BPI: variants seen among roughly 807,000 people sequenced by gnomAD.
BPI encodes bactericidal permeability-increasing protein.
Under a neutral mutation model 57.6 loss-of-function variants are expected in BPI, and 48 were observed. The ratio of observed to expected loss-of-function variants is 0.83; its 90% CI spans 0.66 to 1.06. BPI has a LOEUF of 1.06. Among genes scored for constraint, BPI ranks in the 50% least tolerant of loss-of-function variants. The pLI, the probability that BPI is intolerant of heterozygous loss-of-function variation, is 0.00. For missense variants in BPI, 651 were observed against 609.7 expected (o/e 1.07, Z -0.71); for synonymous variants, 237 against 238.2 (o/e 0.99, Z 0.05).
chr20:38,319,016 C>G (rs1367804981), intron 6 of BPI, among the ~76,000 whole-genome samples: 2 of 152,174 alleles, frequency 1.3e-5, no homozygotes, highest in Non-Finnish European at 2.9e-5. Context: ...AGGCGGACCA[C>G]CTGAGGTCAG....
At chr20:38,335,039 C>T (rs555481297) in intron 13 of BPI, among the ~76,000 whole-genome samples, 69 of 152,226 alleles carry the variant, frequency 4.5e-4, no homozygotes, top group South Asian at 1.9e-3. Flanking sequence ...TTAGAACTTA[C>T]CAATTAATCC....
At chr20:38,317,778 G>T in intron 5 of BPI, 1 of 1,363,680 alleles carries the variant, frequency 7.3e-7, no homozygotes, top group Non-Finnish European at 1.0e-6. Flanking sequence ...AGAAATAGAG[G>T]TCTAGATAAA....
chr20:38,335,494 C>A, intron 13 of BPI, 104 bp from the exon 14 acceptor site: 3 of 1,027,000 alleles, frequency 2.9e-6, no homozygotes, highest in Non-Finnish European at 4.6e-6. Context: ...TAGGGCCAGG[C>A]ATGCTGGTTC....
intron 5 of BPI, among the ~76,000 whole-genome samples, chr20:38,317,118 G>T (rs2076656078): frequency 6.6e-6 from 1 of 152,180 alleles, no homozygotes; most frequent in Non-Finnish European, 1.5e-5. Context: ...TGAAGAGACT[G>T]CTGGATTACT....
In BPI at chr20:38,311,935, C is replaced by G; in HGVS notation, c.598C>G (p.Gln200Glu). Reference protein sequence around the residue: ...ESALRNKMNSQVCEKVTNSVS... With the variant: ...ESALRNKMNSEVCEKVTNSVS... ...TGCGCTTCGAAACAAGATGAACAGCCAGGTAGGAGGGGCTCAGAGCCCCAT... is the reference window on the plus strand; with the variant it reads ...TGCGCTTCGAAACAAGATGAACAGCGAGGTAGGAGGGGCTCAGAGCCCCAT... Residue 200 changes from glutamine to glutamate, a missense_variant and splice_region_variant, in exon 5 of 15, where the codon CAG becomes GAG. Transcript: ENST00000642449. 1 of 1,613,900 alleles carries G rather than the reference C, an allele frequency of 6.2e-7. No homozygotes were observed. The highest frequency in any genetic ancestry group is 8.5e-7 in the Non-Finnish European group (1 of 1,179,964).
intron 11 of BPI, among the ~76,000 whole-genome samples, chr20:38,328,616 T>C (rs1441815438): frequency 6.7e-6 from 1 of 148,466 alleles, no homozygotes; most frequent in Non-Finnish European, 1.5e-5. Context: ...AATGAGGTAT[T>C]AATATGTGTT....
intron 3 of BPI, 105 bp downstream of exon 3, chr20:38,309,163 C>T: frequency 6.8e-7 from 1 of 1,474,150 alleles, no homozygotes; most frequent in Non-Finnish European, 9.3e-7. Context: ...TTGCCTATTA[C>T]CACCTATAGC....
intron 14 of BPI, among the ~76,000 whole-genome samples, chr20:38,336,704 C>G (rs1034490054): frequency 6.6e-6 from 1 of 152,094 alleles, no homozygotes; most frequent in African/African-American, 2.4e-5. Flanking sequence ...GAAACACATA[C>G]CGCATATTCC....
At chr20:38,313,713 G>A (rs1376395677) in intron 5 of BPI, among the ~76,000 whole-genome samples, 2 of 151,962 alleles carry the variant, frequency 1.3e-5, no homozygotes, top group Non-Finnish European at 2.9e-5. Flanking sequence ...GTAATGGTGG[G>A]GATGATGGTG....
At chr20:38,320,423 CCA>C in intron 7 of BPI, 149 bp downstream of exon 7, 1 of 725,222 alleles carries the variant, frequency 1.4e-6, no homozygotes, top group Non-Finnish European at 2.3e-6. Context: ...TCTCCCTGCT[CCA>C]GTCACACTGG....
At chr20:38,320,479 C>T (rs976910994) in intron 7 of BPI, among the ~76,000 whole-genome samples, 4 of 152,002 alleles carry the variant, frequency 2.6e-5, no homozygotes, top group African/African-American at 9.7e-5. Flanking sequence ...GCCCCACCCC[C>T]CTCCAAAGGC....
At chr20:38,332,637 G>A (rs1317918433) in intron 12 of BPI, among the ~76,000 whole-genome samples, 1 of 152,084 alleles carries the variant, frequency 6.6e-6, no homozygotes, top group East Asian at 1.9e-4. Flanking sequence ...GACTTCTAGG[G>A]TTTTGGGTGG....
chr20:38,332,813 A>C (rs1037630446), intron 12 of BPI, among the ~76,000 whole-genome samples: 3 of 152,116 alleles, frequency 2.0e-5, no homozygotes, highest in Non-Finnish European at 2.9e-5. Flanking sequence ...GGCATTGATG[A>C]CGAGTTGCCC....
Position 38,329,904 on chromosome 20 carries a change from G to T in BPI, c.1230-1144G>T, listed in dbSNP as rs545036764. On this transcript the variant is annotated intron_variant, in intron 11 of 14. Coordinates refer to ENST00000642449, the MANE Select transcript of BPI (RefSeq NM_001725.3). ...ATTTTTGTATTTTTAGTAGAGACAT[G>T]GTTTCCCATGTTGGCCAGGCTAGTC... Among the ~76,000 whole-genome samples the T allele has an allele frequency of 8.5e-5, 13 of 152,084 alleles. No homozygotes were observed. In the South Asian group the frequency reaches 2.7e-3, roughly 32 times the overall value.
intron 1 of BPI, among the ~76,000 whole-genome samples, chr20:38,306,142 C>A (rs2076595621): frequency 6.6e-6 from 1 of 152,228 alleles, no homozygotes; most frequent in African/African-American, 2.4e-5. Flanking sequence ...AGTGATTCTC[C>A]TGCCTCAACC....
At chr20:38,325,129 T>A (rs2076706105) in intron 9 of BPI, among the ~76,000 whole-genome samples, 1 of 152,128 alleles carries the variant, frequency 6.6e-6, no homozygotes. Context: ...CCCAGCAGAA[T>A]AGGGCACCTC....
rs1174314063 is a variant in BPI, at chr20:38,324,757, C to T, written c.934-17C>T. On this transcript the variant is annotated splice_polypyrimidine_tract_variant and intron_variant, in intron 8 of 14. Coordinates refer to ENST00000642449, the MANE Select transcript of BPI (RefSeq NM_001725.3). ...TAACAGCATCCTCCGAGATCCTTTT[C>T]TCATCTCTTGCTACAGATTCCAAAG... 6.2e-7 allele frequency: 1 copy of T among 1,603,652 alleles called. No individual in the cohort carries two copies. The highest frequency in any genetic ancestry group is 1.7e-5 in the Admixed American group (1 of 60,018).
intron 6 of BPI, chr20:38,319,862 G>GC: frequency 5.1e-6 from 1 of 196,058 alleles, no homozygotes; most frequent in East Asian, 1.1e-4. Context: ...ATGACAAAAA[G>GC]TGCTCAGAGA....
intron 5 of BPI, among the ~76,000 whole-genome samples, chr20:38,314,726 A>G (rs868397964): frequency 6.1e-3 from 273 of 44,434 alleles, no homozygotes; most frequent in Middle Eastern, 0.02. Context: ...GGATGATGAT[A>G]ATGATGGTGA....
Sources: gnomAD v4.1 joint callset for allele counts (sites outside exome capture counted in the v4.1 genomes callset) on GRCh38, gnomAD v4.1.1 for gene constraint, MANE v1.5 for transcripts, NCBI Gene and HGNC (gene_info 2026-07-23, HGNC 2026-07-21) for gene names.